Variants in FAM209B observed in about 807,000 individuals in gnomAD.
FAM209B encodes family with sequence similarity 209 member B.
FAM209B carries 8 observed loss-of-function variants against 8.9 expected under a neutral mutation model. That is an observed-to-expected ratio of 0.90 (90% confidence interval 0.53 to 1.62). FAM209B has a LOEUF of 1.62. FAM209B is among the 40% of genes most tolerant of loss of function. The probability of loss-of-function intolerance (pLI) is 0.00; values close to 1 mark genes in which losing one functional copy is unlikely to be tolerated. For missense variants in FAM209B, 175 were observed against 205.3 expected, an observed-to-expected ratio of 0.85 and a Z score of 0.90; for synonymous variants, 67 against 75.0, an observed-to-expected ratio of 0.89 and a Z score of 0.55.
Position 56,536,269 on chromosome 20 carries a change from TAAA to T in FAM209B, c.348_350del (p.Leu116_Asn117delinsPhe), listed in dbSNP as rs765055323. 1.2e-6 allele frequency: 2 copies of T among 1,613,174 alleles called. No individual in the cohort carries two copies. Among genetic ancestry groups the T allele is most frequent in the Non-Finnish European group, 1.7e-6 (2 of 1,179,796 alleles). On this transcript the variant is annotated inframe_deletion, in exon 2 of 2. Transcript: ENST00000371325. ...TACAAAGACTGTGTATTCAATACCT[TAAA>T]CGAACTTGAAGTGGAGCTTTTGAAA...
chr20:56,536,179 GTCC>G lies in FAM209B; in HGVS notation c.262_264del (p.Pro88del). ...GAATATCTTTCTTGACAGGAGCAGA[GTCC>G]TCCTGGCCTTCGAGGCTTCCCATTT... On this transcript the variant is annotated inframe_deletion, in exon 2 of 2. Coordinates refer to ENST00000371325, the MANE Select transcript of FAM209B (RefSeq NM_001013646.4). 1 of 1,539,994 alleles carries G rather than the reference GTCC, an allele frequency of 6.5e-7. No homozygotes were observed. The highest frequency in any genetic ancestry group is 1.4e-5 in the African/African-American group (1 of 72,302).
rs747997712 is a variant in FAM209B at position 56,536,263 on chromosome 20, A to G, written c.341A>G (p.Asn114Ser). The G allele has an allele frequency of 9.9e-6, 16 of 1,612,648 alleles. No homozygotes were observed. The African/African-American group carries it at 1.7e-4, about 17-fold the overall frequency. Reference protein sequence around the residue: ...NASLYKDCVFNTLNELEVELL... With the variant: ...NASLYKDCVFSTLNELEVELL... Reference sequence around the variant, plus strand: ...TCTCTTTACAAAGACTGTGTATTCAATACCTTAAACGAACTTGAAGTGGAG... The same window carrying G: ...TCTCTTTACAAAGACTGTGTATTCAGTACCTTAAACGAACTTGAAGTGGAG... The change falls in exon 2 of 2, where the codon AAT becomes AGT. Residue 114 changes from asparagine to serine, a missense_variant. By Grantham distance (46) the Asn-to-Ser change is conservative. This residue lies in a region of FAM209B where 166 missense variants were observed against 174.5 expected (regional missense o/e 0.95). Transcript: ENST00000371325.
At chr20:56,534,616 C>T (rs988639353) in intron 1 of FAM209B, among the ~76,000 whole-genome samples, 3 of 151,366 alleles carry the variant, frequency 2.0e-5, no homozygotes, top group Non-Finnish European at 3.0e-5. Flanking sequence ...GGCGTAGTGG[C>T]GGGCGCCTGT....
chr20:56,535,511 A>G (rs1020110731), intron 1 of FAM209B, among the ~76,000 whole-genome samples: 1 of 152,010 alleles, frequency 6.6e-6, no homozygotes, highest in South Asian at 2.1e-4. Context: ...GAATAGCTGG[A>G]ACCTGGGAGG....
intron 1 of FAM209B, among the ~76,000 whole-genome samples, chr20:56,535,812 C>T (rs950295135): frequency 3.9e-5 from 6 of 152,174 alleles, no homozygotes; most frequent in Non-Finnish European, 8.8e-5. Flanking sequence ...AAAGACCCAG[C>T]ATTTCATGAT....
At chr20:56,534,676 A>G (rs1163777538) in intron 1 of FAM209B, among the ~76,000 whole-genome samples, 11 of 134,410 alleles carry the variant, frequency 8.2e-5, no homozygotes, top group African/African-American at 3.1e-4. Context: ...TGAACCCTGG[A>G]GGCAGAGGTG....
intron 1 of FAM209B, among the ~76,000 whole-genome samples, chr20:56,534,748 A>AC (rs1985909936): frequency 2.8e-5 from 1 of 36,168 alleles, no homozygotes; most frequent in Admixed American, 2.2e-4. Flanking sequence ...ACTCTGTCTC[A>AC]AAAAAAAAAA....
intron 1 of FAM209B, among the ~76,000 whole-genome samples, chr20:56,533,791 A>G (rs1472431979): frequency 2.0e-5 from 3 of 152,206 alleles, no homozygotes; most frequent in African/African-American, 7.2e-5. Context: ...TGGGACAAAC[A>G]GTGGAAGATG....
At position 56,533,294 on chromosome 20, in the gene FAM209B, G is replaced by A. The variant is rs1300036726; in HGVS notation, c.-48G>A. 3.1e-6 allele frequency: 5 copies of A among 1,605,406 alleles called. No individual in the cohort carries two copies. Among genetic ancestry groups the A allele is most frequent in the South Asian group, 1.1e-5 (1 of 90,176 alleles). On this transcript the variant is annotated 5_prime_UTR_variant, in exon 1 of 2. Coordinates refer to ENST00000371325, the MANE Select transcript of FAM209B (RefSeq NM_001013646.4). ...AGGTGCCCAGTCTTCCAGTTGCGAG[G>A]GCAAGCAAACCCGTCATGAGCAACT...
chr20:56,533,276 C>A lies in FAM209B; in HGVS notation c.-66C>A. 3 of 1,596,440 alleles carry A rather than the reference C, an allele frequency of 1.9e-6. No homozygotes were observed. In the South Asian group the frequency reaches 3.4e-5, roughly 18 times the overall value. On this transcript the variant is annotated 5_prime_UTR_variant, in exon 1 of 2. Transcript: ENST00000371325. ...CACCAAGGGCCTGGCACCAGGTGCC[C>A]AGTCTTCCAGTTGCGAGGGCAAGCA...
At chr20:56,536,044 A>G (rs1985959729) in intron 1 of FAM209B, 128 bp from the exon 2 acceptor site, 3 of 728,940 alleles carry the variant, frequency 4.1e-6, no homozygotes, top group Admixed American at 3.0e-5. Flanking sequence ...ATTTGGCCAT[A>G]GTCTGCCAGT....
In FAM209B at chr20:56,533,261, C is replaced by T. The variant is rs1314009692; in HGVS notation, c.-81C>T. 2 of 1,585,988 alleles carry T rather than the reference C, an allele frequency of 1.3e-6. No individual in the cohort carries two copies. Among genetic ancestry groups the T allele is most frequent in the South Asian group, 1.2e-5 (1 of 85,004 alleles). ...GGGCCTCTGTGACATCACCAAGGGC[C>T]TGGCACCAGGTGCCCAGTCTTCCAG... On this transcript the variant is annotated 5_prime_UTR_variant, in exon 1 of 2. Coordinates refer to ENST00000371325, the MANE Select transcript of FAM209B (RefSeq NM_001013646.4).
rs1404051608 is a variant in FAM209B at position 56,533,368 on chromosome 20, C to T, written c.27C>T (p.Val9=). The T allele has an allele frequency of 3.1e-6, 5 of 1,614,170 alleles. No individual in the cohort carries two copies. The Admixed American group carries it at 8.3e-5, about 27-fold the overall frequency. Residue 9 remains valine, a synonymous_variant, in exon 1 of 2, where the codon GTC becomes GTT. Coordinates refer to ENST00000371325, the MANE Select transcript of FAM209B (RefSeq NM_001013646.4). ...TGTGGACGCTGAAATCGTCCCTGGT[C>T]CTGCTTCTGTGCCTCACCTGCAGCT... MWTLKSSL[V]LLLCLTCSYA...
In FAM209B at chr20:56,536,503, C is replaced by G; in HGVS notation, c.*65C>G. 4 of 1,474,494 alleles carry G rather than the reference C, an allele frequency of 2.7e-6. No individual in the cohort carries two copies. The highest frequency in any genetic ancestry group is 3.6e-6 in the Non-Finnish European group (4 of 1,110,776). 91.3% of individuals were successfully genotyped at this position (1,474,494 alleles called of 1,614,324 possible). On this transcript the variant is annotated 3_prime_UTR_variant, in exon 2 of 2. Transcript: ENST00000371325. ...ACAAACTGTATGCAAACTAATAAAA[C>G]TATTCTGAAGAAAAGAACTTCCATG...
At chr20:56,533,878 C>T (rs988389959) in intron 1 of FAM209B, among the ~76,000 whole-genome samples, 12 of 152,280 alleles carry the variant, frequency 7.9e-5, no homozygotes, top group Admixed American at 5.9e-4. Flanking sequence ...AGAACTCAGC[C>T]GGGCGCAGTG....
Position 56,535,610 on chromosome 20 carries a change from T to C in FAM209B, c.250-562T>C, listed in dbSNP as rs114919590. Reference sequence around the variant, plus strand: ...CGTCTCACAAAAAAAAAGAATTGCTTGAACCCAGGAAGTGGAGGTTGCGGT... The same window carrying C: ...CGTCTCACAAAAAAAAAGAATTGCTCGAACCCAGGAAGTGGAGGTTGCGGT... On this transcript the variant is annotated intron_variant, in intron 1 of 1. Coordinates refer to ENST00000371325, the MANE Select transcript of FAM209B (RefSeq NM_001013646.4). 8.9e-3 allele frequency among the ~76,000 whole-genome samples: 1,355 copies of C among 151,676 alleles called. 25 individuals carry two copies. Among genetic ancestry groups the C allele is most frequent in the African/African-American group, 0.031 (1,284 of 41,370 alleles).
Position 56,534,134 on chromosome 20 carries a change from C to T in FAM209B, c.249+544C>T, listed in dbSNP as rs569820459. Among the ~76,000 whole-genome samples the T allele has an allele frequency of 2.6e-5, 4 of 152,108 alleles. No individual in the cohort carries two copies. The South Asian group carries it at 8.3e-4, about 32-fold the overall frequency. ...TCACACTACTGCACTCCTGCATGGG[C>T]GACTGAGACTCTGTCTCAAAATAAA... On this transcript the variant is annotated intron_variant, in intron 1 of 1. Transcript: ENST00000371325.
chr20:56,533,492 C>A lies in FAM209B; in HGVS notation c.151C>A (p.His51Asn). The change falls in exon 1 of 2, where the codon CAC becomes AAC. Residue 51 changes from histidine (H) to asparagine (N), a missense_variant. Physicochemically the swap from His to Asn is moderately conservative, Grantham distance 68 (BLOSUM62 1). Around this residue, in one of 2 missense-constraint regions of FAM209B, gnomAD observed 166 missense variants for 174.5 expected, o/e 0.95. Coordinates refer to ENST00000371325, the MANE Select transcript of FAM209B (RefSeq NM_001013646.4). The stretch of plus-strand genomic sequence containing the variant: ...TCGGATTCGGCAGAACCTACCAGAG[C>A]ACACCCAAGGCTGGCTTGGGAGCAA... ...HFRIRQNLPE[H>N]TQGWLGSKWL... 6.2e-7 allele frequency: 1 copy of A among 1,614,196 alleles called. No individual in the cohort carries two copies. The highest frequency in any genetic ancestry group is 1.3e-5 in the African/African-American group (1 of 75,058).
At chr20:56,534,349 T>C (rs540195469) in intron 1 of FAM209B, among the ~76,000 whole-genome samples, 5 of 152,096 alleles carry the variant, frequency 3.3e-5, no homozygotes, top group Non-Finnish European at 5.9e-5. Context: ...GCACAGTGGC[T>C]CATGCCTGTA....
Sources: allele counts gnomAD v4.1 joint callset (sites outside exome capture counted in the v4.1 genomes callset), GRCh38; gene constraint gnomAD v4.1.1; regional missense constraint gnomAD v4.1.1; transcripts MANE v1.5; gene names NCBI Gene and HGNC (gene_info 2026-07-23, HGNC 2026-07-21).